The following ITGB6 variants were observed in gnomAD, a reference collection of about 807,000 sequenced individuals.
The protein encoded by ITGB6 is integrin subunit beta 6, also known as integrin beta-6.
ITGB6 carries 80 observed loss-of-function variants against 84.5 expected under a neutral mutation model. That is an observed-to-expected ratio of 0.95 (90% CI 0.79 to 1.14). ITGB6 has a LOEUF of 1.14. Ranked by LOEUF, ITGB6 falls within the 50% of genes most tolerant of loss-of-function variation. The pLI, the probability that ITGB6 is intolerant of heterozygous loss-of-function variation, is 0.00. For missense variants in ITGB6, 1,006 were observed against 968.0 expected (o/e 1.04, Z -0.52); for synonymous variants, 383 against 354.9 (o/e 1.08, Z -0.89).
At chr2:160,180,503 T>C (rs1385604781) in intron 4 of ITGB6, among the ~76,000 whole-genome samples, 1 of 152,198 alleles carries the variant, frequency 6.6e-6, no homozygotes, top group Non-Finnish European at 1.5e-5. Context: ...GGGTTTGTTA[T>C]ATAGGTAAAT....
rs180920932 is a variant in ITGB6 at position 160,151,935 on chromosome 2, C to T, written c.1018-9864G>A. ...CTCTGAATAGAACAATAACAGGCTCCAAAATTGAGGCAATAATTAATAGCA... is the reference window on the plus strand; with the variant it reads ...CTCTGAATAGAACAATAACAGGCTCTAAAATTGAGGCAATAATTAATAGCA... On this transcript the variant is annotated intron_variant, in intron 7 of 14. Coordinates refer to ENST00000283249, the MANE Select transcript of ITGB6 (RefSeq NM_000888.5). Among the ~76,000 whole-genome samples, 941 of 152,040 alleles carry T rather than the reference C, an allele frequency of 6.2e-3. 4 individuals are homozygous for T. Among genetic ancestry groups the T allele is most frequent in the Non-Finnish European group, 0.01 (688 of 67,916 alleles).
intron 10 of ITGB6, among the ~76,000 whole-genome samples, chr2:160,132,601 CAG>C (rs1452590184): frequency 6.6e-6 from 1 of 152,028 alleles, no homozygotes; most frequent in Admixed American, 6.6e-5. Flanking sequence ...GTGTGAAGAA[CAG>C]AGATATTGAA....
At position 160,115,418 on chromosome 2, in the gene ITGB6, C is replaced by G. The variant is rs544471483; in HGVS notation, c.1982-3219G>C. Among the ~76,000 whole-genome samples, 351 of 152,332 alleles carry G rather than the reference C, an allele frequency of 2.3e-3. 1 individual carries two copies. Among genetic ancestry groups the G allele is most frequent in the African/African-American group, 7.9e-3 (329 of 41,566 alleles). ...GGCAAACAGGGTCTGGAGTGGACCT[C>G]TAGCAAACTCCAACAGACCTGCAGC... On this transcript the variant is annotated intron_variant, in intron 12 of 14. Coordinates refer to ENST00000283249, the MANE Select transcript of ITGB6 (RefSeq NM_000888.5).
intron 4 of ITGB6, among the ~76,000 whole-genome samples, chr2:160,193,827 C>A (rs1686232635): frequency 6.6e-6 from 1 of 152,162 alleles, no homozygotes; most frequent in South Asian, 2.1e-4. Context: ...CATACTACCC[C>A]TGAATGGCCT....
intron 2 of ITGB6, 27 bp from the exon 3 acceptor site, chr2:160,196,447 C>T (rs1404177593): frequency 1.4e-5 from 22 of 1,555,470 alleles, no homozygotes; most frequent in Non-Finnish European, 1.8e-5. Flanking sequence ...AAAACAATAA[C>T]CAGAAAAAGA....
chr2:160,197,741 C>G (rs1686399576), intron 2 of ITGB6, among the ~76,000 whole-genome samples: 1 of 152,226 alleles, frequency 6.6e-6, no homozygotes, highest in Non-Finnish European at 1.5e-5. Flanking sequence ...CCAAGGGAAA[C>G]AGTGGCTGGC....
intron 4 of ITGB6, among the ~76,000 whole-genome samples, chr2:160,193,861 G>C (rs929801229): frequency 6.6e-5 from 10 of 152,176 alleles, no homozygotes; most frequent in African/African-American, 2.4e-4. Flanking sequence ...ATGTAGAAGA[G>C]AAAAGAAAAT....
intron 2 of ITGB6, among the ~76,000 whole-genome samples, chr2:160,197,162 T>C (rs1686374798): frequency 6.6e-6 from 1 of 152,068 alleles, no homozygotes; most frequent in African/African-American, 2.4e-5. Flanking sequence ...GTCTGCTTTT[T>C]GCTGGTGCCT....
chr2:160,190,725 T>A (rs932051500), intron 4 of ITGB6, among the ~76,000 whole-genome samples: 2 of 152,182 alleles, frequency 1.3e-5, no homozygotes, highest in African/African-American at 4.8e-5. Context: ...ACTGCTTTCA[T>A]TTACTTGAAG....
intron 7 of ITGB6, among the ~76,000 whole-genome samples, chr2:160,150,901 C>T (rs1283541200): frequency 2.6e-5 from 4 of 152,148 alleles, no homozygotes. Flanking sequence ...ACAAGAAGAG[C>T]TAACTATCCT....
rs557925049 is a variant in ITGB6 at position 160,194,261 on chromosome 2, T to C, written c.593+1108A>G. ...AATTTCTAAGTGTTACAATCATTGA[T>C]AAATTTCCTTTATGGTTAAATTATT... On this transcript the variant is annotated intron_variant, in intron 4 of 14. Transcript: ENST00000283249. 5.3e-5 allele frequency among the ~76,000 whole-genome samples: 8 copies of C among 152,358 alleles called. No homozygotes were observed. In the South Asian group the frequency reaches 1.2e-3, roughly 24 times the overall value.
intron 13 of ITGB6, among the ~76,000 whole-genome samples, chr2:160,108,683 G>A (rs1414845538): frequency 6.6e-6 from 1 of 152,130 alleles, no homozygotes; most frequent in Non-Finnish European, 1.5e-5. Flanking sequence ...ATAAGCCACC[G>A]ATTCTGTGTT....
At chr2:160,130,686 A>G (rs1476362306) in intron 10 of ITGB6, among the ~76,000 whole-genome samples, 3 of 152,216 alleles carry the variant, frequency 2.0e-5, no homozygotes, top group African/African-American at 7.2e-5. Flanking sequence ...CATTAATTTC[A>G]TTTTTACATG....
At chr2:160,117,151 G>T (rs1682814462) in intron 12 of ITGB6, among the ~76,000 whole-genome samples, 1 of 151,952 alleles carries the variant, frequency 6.6e-6, no homozygotes, top group Non-Finnish European at 1.5e-5. Flanking sequence ...ACCCAGCTCT[G>T]CACCAAGCGG....
intron 8 of ITGB6, among the ~76,000 whole-genome samples, chr2:160,139,675 T>C (rs920227297): frequency 2.0e-4 from 31 of 152,212 alleles, no homozygotes; most frequent in African/African-American, 7.5e-4. Context: ...AGGAATATTT[T>C]AGTGTGAATT....
intron 12 of ITGB6, among the ~76,000 whole-genome samples, chr2:160,115,263 C>A (rs1452602729): frequency 6.6e-6 from 1 of 152,250 alleles, no homozygotes; most frequent in Non-Finnish European, 1.5e-5. Flanking sequence ...GGCAGACTGA[C>A]ACCTCACACA....
chr2:160,181,557 A>G (rs1685673203), intron 4 of ITGB6, among the ~76,000 whole-genome samples: 1 of 152,210 alleles, frequency 6.6e-6, no homozygotes, highest in Non-Finnish European at 1.5e-5. Flanking sequence ...GACTGTGGGC[A>G]CAGCTTCAGC....
intron 7 of ITGB6, among the ~76,000 whole-genome samples, chr2:160,162,911 A>T (rs1375503233): frequency 6.6e-6 from 1 of 151,900 alleles, no homozygotes; most frequent in East Asian, 1.9e-4. Flanking sequence ...GAGCCACTGC[A>T]CCCGGCCGAG....
intron 4 of ITGB6, among the ~76,000 whole-genome samples, chr2:160,178,091 T>C (rs1265144297): frequency 6.6e-6 from 1 of 152,184 alleles, no homozygotes; most frequent in South Asian, 2.1e-4. Flanking sequence ...GCCAGGCTGG[T>C]CTCGAGCTCC....
Sources: gnomAD v4.1 joint callset for allele counts (sites outside exome capture counted in the v4.1 genomes callset) on GRCh38, gnomAD v4.1.1 for gene constraint, MANE v1.5 for transcripts, NCBI Gene and HGNC (gene_info 2026-07-23, HGNC 2026-07-21) for gene names.